The following IL33 variants were observed in gnomAD, a reference collection of about 807,000 sequenced individuals.
The protein encoded by IL33 is interleukin 33, also known as interleukin-33.
IL33 carries 37 observed loss-of-function variants against 27.3 expected under a neutral mutation model. That is an observed-to-expected ratio of 1.36 (90% CI 1.04 to 1.78). The LOEUF is 1.78. IL33 is among the 40% of genes most tolerant of loss of function. The pLI is 0.00. For synonymous variants in IL33, 132 were observed against 102.9 expected (o/e 1.28, Z -1.71); for missense variants, 406 against 311.4 (o/e 1.30, Z -2.29).
chr9:6,229,989 A>G (rs1356660092), intron 1 of IL33, among the ~76,000 whole-genome samples: 1 of 152,196 alleles, frequency 6.6e-6, no homozygotes, highest in Non-Finnish European at 1.5e-5. Flanking sequence ...AGTTTGAGCA[A>G]AGCCATGAAG....
rs1482642385 is a variant in IL33, at chr9:6,257,763, A to G, written c.*1595A>G. On this transcript the variant is annotated 3_prime_UTR_variant, in exon 8 of 8. Transcript: ENST00000682010. ...TAAAAGAGGCTGAGAATTACCATAC[A>G]AGGGTATTACAACTGTAAAACAATT... is the stretch of plus-strand genomic sequence containing the variant. 1 of 152,180 alleles carries G rather than the reference A, an allele frequency of 6.6e-6. No homozygotes were observed. Among genetic ancestry groups the G allele is most frequent in the Non-Finnish European group, 1.5e-5 (1 of 68,010 alleles). 9.4% of individuals were successfully genotyped at this position (152,180 alleles called of 1,614,324 possible). A position where few individuals can be genotyped will look rare whatever the true frequency, so the allele number is the denominator to read the frequency against.
At chr9:6,230,182 A>T (rs1402016841) in intron 1 of IL33, among the ~76,000 whole-genome samples, 1 of 152,126 alleles carries the variant, frequency 6.6e-6, no homozygotes, top group Non-Finnish European at 1.5e-5. Context: ...GTACTTTACA[A>T]GTGATAAGTA....
At chr9:6,251,315 C>T (rs1044681577) in intron 4 of IL33, 50 bp downstream of exon 4, 3 of 1,603,404 alleles carry the variant, frequency 1.9e-6, no homozygotes, top group African/African-American at 2.7e-5. Flanking sequence ...AGGTATGACA[C>T]AGGACCCCGG....
chr9:6,243,850 A>G (rs1819674128), intron 2 of IL33, among the ~76,000 whole-genome samples: 2 of 152,112 alleles, frequency 1.3e-5, no homozygotes, highest in Non-Finnish European at 2.9e-5. Context: ...AGTTAATATC[A>G]TTTCTGTCTC....
intron 2 of IL33, among the ~76,000 whole-genome samples, chr9:6,243,348 A>AATTT (rs1158102932): frequency 6.6e-6 from 1 of 151,918 alleles, no homozygotes; most frequent in Non-Finnish European, 1.5e-5. Context: ...GAAGCATGCA[A>AATTT]ATTTATTTAT....
At chr9:6,219,488 G>A (rs760496715) in intron 1 of IL33, among the ~76,000 whole-genome samples, 2 of 152,044 alleles carry the variant, frequency 1.3e-5, no homozygotes, top group African/African-American at 2.4e-5. Flanking sequence ...TTTTTGTTTT[G>A]TATTTTTTAA....
intron 2 of IL33, among the ~76,000 whole-genome samples, chr9:6,244,221 G>C (rs7851041): frequency 0.055 from 8,368 of 152,072 alleles, 752 homozygotes; most frequent in African/African-American, 0.19. Context: ...CCATTTAGAG[G>C]ACAGTGATAA....
chr9:6,247,884 A>G (rs1819956897), intron 2 of IL33, among the ~76,000 whole-genome samples: 1 of 151,922 alleles, frequency 6.6e-6, no homozygotes, highest in South Asian at 2.1e-4. Context: ...TTGTCCTACT[A>G]GATGCTAGCC....
intron 1 of IL33, among the ~76,000 whole-genome samples, chr9:6,230,953 G>A (rs1333702149): frequency 6.6e-6 from 1 of 152,118 alleles, no homozygotes; most frequent in Non-Finnish European, 1.5e-5. Flanking sequence ...TTCTAAAAGG[G>A]AGACAATCAT....
intron 7 of IL33, 28 bp from the exon 8 acceptor site, chr9:6,255,940 T>C (rs1026809916): frequency 5.0e-6 from 8 of 1,592,476 alleles, no homozygotes; most frequent in East Asian, 2.2e-5. Context: ...CATTCACATA[T>C]GGATTGCTTT....
chr9:6,244,850 A>T (rs1044920936), intron 2 of IL33, among the ~76,000 whole-genome samples: 1 of 152,168 alleles, frequency 6.6e-6, no homozygotes, highest in African/African-American at 2.4e-5. Context: ...CTCTTGAGCT[A>T]CCAGGATCCA....
At chr9:6,233,792 T>G (rs1238521611) in intron 1 of IL33, among the ~76,000 whole-genome samples, 1 of 152,208 alleles carries the variant, frequency 6.6e-6, no homozygotes, top group Admixed American at 6.5e-5. Context: ...AGTAGCATCT[T>G]CCCTTCTCCA....
intron 1 of IL33, among the ~76,000 whole-genome samples, chr9:6,223,958 G>T (rs1053321949): frequency 1.3e-5 from 2 of 152,122 alleles, no homozygotes; most frequent in African/African-American, 4.8e-5. Flanking sequence ...CTGAGCATCA[G>T]ATACTCAGAG....
Position 6,228,867 on chromosome 9 carries a change from T to G in IL33, c.-11-12817T>G, listed in dbSNP as rs1818783666. On this transcript the variant is annotated intron_variant, in intron 1 of 7. Transcript: ENST00000682010. ...GACTCAAAAAAAAAAAAAATCAGCT[T>G]TCAGATATTTGGGTACTAAAGAAAA... Among the ~76,000 whole-genome samples the G allele has an allele frequency of 1.3e-5, 2 of 148,988 alleles. 1 individual carries two copies. Among genetic ancestry groups the G allele is most frequent in the South Asian group, 4.3e-4 (2 of 4,684 alleles).
intron 1 of IL33, among the ~76,000 whole-genome samples, chr9:6,231,513 C>T (rs1818926258): frequency 6.6e-6 from 1 of 152,218 alleles, no homozygotes; most frequent in East Asian, 1.9e-4. Flanking sequence ...TCTCTGACTA[C>T]ACTACCTTAG....
intron 1 of IL33, among the ~76,000 whole-genome samples, chr9:6,224,084 G>A (rs1352760687): frequency 6.6e-6 from 1 of 152,118 alleles, no homozygotes; most frequent in Non-Finnish European, 1.5e-5. Flanking sequence ...AAATTTTAGA[G>A]ACTAAAGTCC....
Position 6,256,360 on chromosome 9 carries a change from A to C in IL33, c.*192A>C. On this transcript the variant is annotated 3_prime_UTR_variant, in exon 8 of 8. Transcript: ENST00000682010. ...TTATTCTTTTATTTCCCTCTGTATA[A>C]CTGCATCTTCAATACAAGTATCAGT... The C allele has an allele frequency of 1.7e-6, 1 of 573,496 alleles. No homozygotes were observed. The highest frequency in any genetic ancestry group is 2.5e-5 in the South Asian group (1 of 40,248). The allele number at this position is 573,496 out of a possible 1,614,324, so 35.5% of individuals were successfully genotyped here.
chr9:6,237,070 GTAACTGCCT>G (rs1230418575), intron 1 of IL33, among the ~76,000 whole-genome samples: 1 of 152,122 alleles, frequency 6.6e-6, no homozygotes, highest in Non-Finnish European at 1.5e-5. Context: ...GAACTGGGAT[GTAACTGCCT>G]TAAATACTAC....
rs187906868 is a variant in IL33, at chr9:6,233,049, A to G, written c.-11-8635A>G. Among the ~76,000 whole-genome samples, 29 of 152,372 alleles carry G rather than the reference A, an allele frequency of 1.9e-4. No homozygotes were observed. In the East Asian group the frequency reaches 5.2e-3, roughly 27 times the overall value. On this transcript the variant is annotated intron_variant, in intron 1 of 7. Coordinates refer to ENST00000682010, the MANE Select transcript of IL33 (RefSeq NM_033439.4). ...TACCATTTTGACCATTTTTAAGTGT[A>G]CGGTTCAGTGGCATTCACATTGTTG... is the stretch of plus-strand genomic sequence containing the variant.
Sources: gnomAD v4.1 joint callset for allele counts (sites outside exome capture counted in the v4.1 genomes callset) on GRCh38, gnomAD v4.1.1 for gene constraint, MANE v1.5 for transcripts, NCBI Gene and HGNC (gene_info 2026-07-23, HGNC 2026-07-21) for gene names.